The following CMSS1 variants were observed in gnomAD, a reference collection of about 807,000 sequenced individuals.
CMSS1 encodes cms1 ribosomal small subunit homolog, also known as protein CMSS1.
CMSS1 carries 33 observed loss-of-function variants against 43.5 expected under a neutral mutation model. The ratio of observed to expected loss-of-function variants is 0.76; its 90% CI spans 0.57 to 1.01. The LOEUF is 1.01. CMSS1 is among the 50% of genes least tolerant of loss of function. The pLI is 0.00. For missense variants in CMSS1, 313 were observed against 326.4 expected (o/e 0.96, Z 0.32); for synonymous variants, 115 against 117.2 (o/e 0.98, Z 0.12).
intron 1 of CMSS1, among the ~76,000 whole-genome samples, chr3:100,095,507 A>G (rs2066189768): frequency 6.6e-6 from 1 of 152,230 alleles, no homozygotes; most frequent in Admixed American, 6.5e-5. Context: ...TACCGAGAAC[A>G]TGCATTGGAG....
At chr3:100,014,895 CTTTTTTTTTTTT>C (rs1233573719) in intron 1 of CMSS1, among the ~76,000 whole-genome samples, 1 of 25,008 alleles carries the variant, frequency 4.0e-5, no homozygotes, top group South Asian at 2.0e-3. Flanking sequence ...TTCTTTCTTT[CTTTTTTTTTTTT>C]TTTTTTTTTT....
At chr3:99,966,621 C>T (rs1708661150) in intron 1 of CMSS1, among the ~76,000 whole-genome samples, 1 of 152,162 alleles carries the variant, frequency 6.6e-6, no homozygotes. Flanking sequence ...TCTGTATATA[C>T]AGTTTGATTT....
intron 1 of CMSS1, among the ~76,000 whole-genome samples, chr3:100,136,797 G>A (rs2066759903): frequency 6.6e-6 from 1 of 152,216 alleles, no homozygotes; most frequent in African/African-American, 2.4e-5. Flanking sequence ...ATTTGATCAT[G>A]TGGCCTAATT....
intron 1 of CMSS1, among the ~76,000 whole-genome samples, chr3:99,974,695 G>T (rs1016333328): frequency 6.6e-6 from 1 of 151,986 alleles, no homozygotes; most frequent in African/African-American, 2.4e-5. Flanking sequence ...TAACAAGAGC[G>T]AAACTCCATC....
At chr3:99,878,564 G>C (rs1705617204) in intron 1 of CMSS1, among the ~76,000 whole-genome samples, 1 of 152,216 alleles carries the variant, frequency 6.6e-6, no homozygotes, top group South Asian at 2.1e-4. Context: ...GGAGTGTTCA[G>C]ATTTAACTGA....
At chr3:99,856,745 C>T (rs538075437) in intron 1 of CMSS1, among the ~76,000 whole-genome samples, 1 of 152,260 alleles carries the variant, frequency 6.6e-6, no homozygotes, top group South Asian at 2.1e-4. Flanking sequence ...AAATGATACA[C>T]TCAGAGGGTT....
Position 100,092,595 on chromosome 3 carries a change from T to A in CMSS1, c.65-54378T>A, listed in dbSNP as rs148115725. Reference sequence around the variant, plus strand: ...ACACATACCCCAGTTGGAAGGCCACTAGTTATGAGGGTTAAATGAGTCAAT... The same window carrying A: ...ACACATACCCCAGTTGGAAGGCCACAAGTTATGAGGGTTAAATGAGTCAAT... On this transcript the variant is annotated intron_variant, in intron 1 of 9. Coordinates refer to ENST00000421999, the MANE Select transcript of CMSS1 (RefSeq NM_032359.4). Among the ~76,000 whole-genome samples, 682 of 150,166 alleles carry A rather than the reference T, an allele frequency of 4.5e-3. 7 individuals are homozygous for A. Among genetic ancestry groups the A allele is most frequent in the African/African-American group, 0.016 (665 of 40,718 alleles).
intron 1 of CMSS1, among the ~76,000 whole-genome samples, chr3:100,037,049 T>C (rs959812156): frequency 6.6e-6 from 1 of 152,106 alleles, no homozygotes; most frequent in African/African-American, 2.4e-5. Context: ...AAAAACTAAA[T>C]GTGTGGGTTC....
At chr3:100,092,619 A>G (rs990609008) in intron 1 of CMSS1, among the ~76,000 whole-genome samples, 4 of 149,390 alleles carry the variant, frequency 2.7e-5, no homozygotes, top group Non-Finnish European at 4.4e-5. Flanking sequence ...AAATGAGTCA[A>G]TGCATGTTAA....
intron 1 of CMSS1, among the ~76,000 whole-genome samples, chr3:99,820,897 T>G (rs1329963499): frequency 2.6e-5 from 4 of 152,240 alleles, no homozygotes. Flanking sequence ...ATAGTTGTAT[T>G]GGTGCTTTTA....
chr3:100,171,386 G>A (rs541528070), intron 6 of CMSS1, among the ~76,000 whole-genome samples: 1 of 151,674 alleles, frequency 6.6e-6, no homozygotes, highest in Admixed American at 6.6e-5. Context: ...CTTCCCTCAT[G>A]GCCACCACAG....
At chr3:99,853,172 T>C (rs1559660276) in intron 1 of CMSS1, among the ~76,000 whole-genome samples, 1 of 152,218 alleles carries the variant, frequency 6.6e-6, no homozygotes, top group Non-Finnish European at 1.5e-5. Context: ...AGTCCATGGG[T>C]AAACTGCTTT....
intron 1 of CMSS1, among the ~76,000 whole-genome samples, chr3:99,897,624 T>G (rs1285092687): frequency 6.6e-6 from 1 of 152,228 alleles, no homozygotes; most frequent in Admixed American, 6.5e-5. Context: ...ATCGTGTATT[T>G]GAGGAGAAAT....
intron 1 of CMSS1, among the ~76,000 whole-genome samples, chr3:99,860,629 C>T (rs1944202247): frequency 6.6e-6 from 1 of 152,098 alleles, no homozygotes; most frequent in Non-Finnish European, 1.5e-5. Context: ...AAAGGAGGTG[C>T]CCATGATTCT....
At chr3:100,034,829 G>T (rs2065079741) in intron 1 of CMSS1, among the ~76,000 whole-genome samples, 1 of 152,140 alleles carries the variant, frequency 6.6e-6, no homozygotes, top group South Asian at 2.1e-4. Flanking sequence ...TATCCACTCT[G>T]ATCAGTAAAC....
chr3:99,834,106 G>A (rs1463922476), intron 1 of CMSS1, among the ~76,000 whole-genome samples: 1 of 152,160 alleles, frequency 6.6e-6, no homozygotes, highest in South Asian at 2.1e-4. Context: ...CTGGCAGCTA[G>A]CCCAAAATTT....
At chr3:100,055,989 T>A (rs1400954178) in intron 1 of CMSS1, among the ~76,000 whole-genome samples, 1 of 152,184 alleles carries the variant, frequency 6.6e-6, no homozygotes, top group Admixed American at 6.5e-5. Context: ...ATCTTAGGCA[T>A]TCAGAGAAGG....
At chr3:100,035,886 T>C (rs2065099089) in intron 1 of CMSS1, among the ~76,000 whole-genome samples, 1 of 152,204 alleles carries the variant, frequency 6.6e-6, no homozygotes, top group South Asian at 2.1e-4. Context: ...ATACATGTAA[T>C]TTCTATGGAT....
intron 1 of CMSS1, among the ~76,000 whole-genome samples, chr3:99,924,836 T>C (rs1425425907): frequency 6.6e-6 from 1 of 152,220 alleles, no homozygotes; most frequent in Non-Finnish European, 1.5e-5. Flanking sequence ...GTGGGTTTTT[T>C]ATCTCCTTGT....
Sources: gnomAD v4.1 joint callset for allele counts (sites outside exome capture counted in the v4.1 genomes callset) on GRCh38, gnomAD v4.1.1 for gene constraint, MANE v1.5 for transcripts, NCBI Gene and HGNC (gene_info 2026-07-23, HGNC 2026-07-21) for gene names.